The following CYP4X1 variants were observed in gnomAD, a reference collection of about 807,000 sequenced individuals.
The protein encoded by CYP4X1 is cytochrome P450 family 4 subfamily X member 1, also known as cytochrome P450 4X1.
A neutral mutation model predicts 57.9 loss-of-function variants in CYP4X1; 44 were observed. The observed-to-expected ratio is 0.76, with a 90% CI of 0.60 to 0.98. The LOEUF (loss-of-function observed/expected upper bound fraction) is 0.98, where lower values mean the gene tolerates loss of function less well. Ranked by LOEUF, CYP4X1 falls within the 50% of genes least tolerant of loss-of-function variation. The probability of loss-of-function intolerance (pLI) is 0.00; values close to 1 mark genes in which losing one functional copy is unlikely to be tolerated. For synonymous variants in CYP4X1, 227 were observed against 228.6 expected (o/e 0.99, Z 0.06); for missense variants, 532 against 623.9 (o/e 0.85, Z 1.57).
chr1:47,024,052 A>G, intron 1 of CYP4X1, 58 bp downstream of exon 1: 1 of 1,544,284 alleles, frequency 6.5e-7, no homozygotes, highest in Non-Finnish European at 8.7e-7. Context: ...GATGCGGCAG[A>G]GGAGCCCAGC....
At chr1:46,992,856 AC>A in the CYP4X1 span, among the ~76,000 whole-genome samples, 1 of 152,096 alleles carries the variant, frequency 6.6e-6, no homozygotes. Flanking sequence ...ATTTATATTC[AC>A]CAGCAATTTG....
chr1:47,012,202 A>G, the CYP4X1 span, among the ~76,000 whole-genome samples: 4 of 152,248 alleles, frequency 2.6e-5, no homozygotes, highest in Non-Finnish European at 4.4e-5. Flanking sequence ...AATGTGGCAC[A>G]TATACACCAT....
the CYP4X1 span, among the ~76,000 whole-genome samples, chr1:46,976,456 A>G: frequency 6.6e-6 from 1 of 152,094 alleles, no homozygotes; most frequent in Non-Finnish European, 1.5e-5. Flanking sequence ...ATCTCGAACT[A>G]GGTGGAGCCC....
At chr1:47,021,260 T>C (rs1643993724), upstream of CYP4X1, among the ~76,000 whole-genome samples, 1 of 151,012 alleles carries the variant, frequency 6.6e-6, no homozygotes, top group Non-Finnish European at 1.5e-5. Flanking sequence ...GAATAAATAA[T>C]TTTCTAAATT....
the CYP4X1 span, among the ~76,000 whole-genome samples, chr1:46,991,500 C>A: frequency 1.3e-5 from 2 of 152,232 alleles, no homozygotes; most frequent in South Asian, 4.1e-4. Context: ...CAGAGCTAAT[C>A]CCAGTTCCTC....
At chr1:47,033,989 G>C (rs1310045921) in intron 4 of CYP4X1, among the ~76,000 whole-genome samples, 1 of 152,252 alleles carries the variant, frequency 6.6e-6, no homozygotes, top group Non-Finnish European at 1.5e-5. Flanking sequence ...CCTGGAACTA[G>C]AGTTAATTGG....
chr1:47,053,526 T>A (rs1446564557), downstream of CYP4X1, among the ~76,000 whole-genome samples: 1 of 152,212 alleles, frequency 6.6e-6, no homozygotes, highest in Non-Finnish European at 1.5e-5. Context: ...TAGTTTACCC[T>A]CCCACCAACA....
the CYP4X1 span, among the ~76,000 whole-genome samples, chr1:46,967,516 G>A: frequency 1.1e-3 from 165 of 152,236 alleles, no homozygotes; most frequent in African/African-American, 3.8e-3. Flanking sequence ...AGAGCCTAGG[G>A]AAAGGTGAGA....
chr1:46,996,340 G>GCT, the CYP4X1 span, among the ~76,000 whole-genome samples: 1 of 152,168 alleles, frequency 6.6e-6, no homozygotes, highest in South Asian at 2.1e-4. Context: ...CAGGCCAGGT[G>GCT]GCAGCTCCTA....
chr1:46,968,557 C>T, the CYP4X1 span, among the ~76,000 whole-genome samples: 2 of 152,192 alleles, frequency 1.3e-5, no homozygotes, highest in Non-Finnish European at 2.9e-5. Flanking sequence ...CAGGGACCTG[C>T]CTCTCACCTT....
chr1:47,021,690 T>A (rs114456651), upstream of CYP4X1, among the ~76,000 whole-genome samples: 11 of 152,250 alleles, frequency 7.2e-5, no homozygotes, highest in African/African-American at 2.6e-4. Flanking sequence ...TTGTTACCCA[T>A]GAAAGCACAT....
the CYP4X1 span, among the ~76,000 whole-genome samples, chr1:46,990,215 C>G: frequency 6.6e-6 from 1 of 152,116 alleles, no homozygotes; most frequent in African/African-American, 2.4e-5. Flanking sequence ...AAAAAACAAA[C>G]AACCCCACCA....
At chr1:47,029,550 A>G (rs1180031624) in intron 1 of CYP4X1, among the ~76,000 whole-genome samples, 1 of 152,168 alleles carries the variant, frequency 6.6e-6, no homozygotes, top group Admixed American at 6.5e-5. Flanking sequence ...ATAATTAGAG[A>G]GAGGAACAGG....
At chr1:47,037,458 T>C (rs975209197) in intron 6 of CYP4X1, among the ~76,000 whole-genome samples, 1 of 152,016 alleles carries the variant, frequency 6.6e-6, no homozygotes, top group African/African-American at 2.4e-5. Context: ...TTGTTTATTT[T>C]TATTTAGTCA....
At chr1:47,045,551 TA>T (rs1469022547) in intron 8 of CYP4X1, among the ~76,000 whole-genome samples, 1 of 152,214 alleles carries the variant, frequency 6.6e-6, no homozygotes, top group Non-Finnish European at 1.5e-5. Context: ...CCCAGCTTGG[TA>T]CTTCTTTGGT....
At chr1:47,008,351 T>C in the CYP4X1 span, among the ~76,000 whole-genome samples, 1 of 152,108 alleles carries the variant, frequency 6.6e-6, no homozygotes, top group Non-Finnish European at 1.5e-5. Context: ...AGAAATAAAA[T>C]ACTTTACAGA....
the CYP4X1 span, among the ~76,000 whole-genome samples, chr1:46,997,782 G>A: frequency 6.6e-6 from 1 of 152,164 alleles, no homozygotes; most frequent in Non-Finnish European, 1.5e-5. Context: ...TTTCTATAAT[G>A]TTTCCCATAG....
chr1:46,999,623 T>C, the CYP4X1 span, among the ~76,000 whole-genome samples: 1 of 152,200 alleles, frequency 6.6e-6, no homozygotes, highest in South Asian at 2.1e-4. Context: ...GGGTTTGTTA[T>C]TGTTTTTATA....
chr1:47,054,925 G>A (rs377199184), downstream of CYP4X1, among the ~76,000 whole-genome samples: 2 of 151,840 alleles, frequency 1.3e-5, no homozygotes, highest in Admixed American at 6.6e-5. Flanking sequence ...TTCTCCTGCC[G>A]GATTGCCCTG....
Sources: gnomAD v4.1 joint callset for allele counts (sites outside exome capture counted in the v4.1 genomes callset) on GRCh38, gnomAD v4.1.1 for gene constraint, MANE v1.5 for transcripts, NCBI Gene and HGNC (gene_info 2026-07-23, HGNC 2026-07-21) for gene names.